Variants in CACNA1C observed in about 807,000 individuals in gnomAD.
CACNA1C encodes calcium voltage-gated channel subunit alpha1 C.
In CACNA1C, 30 loss-of-function variants were observed where a neutral mutation model predicts 229.0. The ratio of observed to expected loss-of-function variants is 0.13; its 90% CI spans 0.10 to 0.18. The LOEUF (loss-of-function observed/expected upper bound fraction) is 0.18, where lower values mean the gene tolerates loss of function less well. CACNA1C is among the 10% of genes least tolerant of loss of function. The pLI, the probability that CACNA1C is intolerant of heterozygous loss-of-function variation, is 1.00. For missense variants in CACNA1C, 1,658 were observed against 2,845.0 expected, an observed-to-expected ratio of 0.58 and a Z score of 9.49; for synonymous variants, 1,114 against 1,132.5, an observed-to-expected ratio of 0.98 and a Z score of 0.33.
chr12:2,217,688 C>G (rs771525238), intron 3 of CACNA1C: 1 of 152,088 alleles, frequency 6.6e-6, no homozygotes, highest in Non-Finnish European at 1.5e-5. Flanking sequence ...GGTTCCATCT[C>G]AAGGGTGGAG....
intron 10 of CACNA1C, among the ~76,000 whole-genome samples, chr12:2,555,771 G>A (rs733993): frequency 0.048 from 7,272 of 152,278 alleles, 221 homozygotes; most frequent in African/African-American, 0.082. Flanking sequence ...TCTCATGCAC[G>A]ATGGCTTTGC....
At chr12:2,588,260 C>G (rs902319773) in intron 18 of CACNA1C, among the ~76,000 whole-genome samples, 2 of 152,264 alleles carry the variant, frequency 1.3e-5, no homozygotes, top group African/African-American at 4.8e-5. Context: ...CAACCGCTGC[C>G]CCTTCCAGGC....
intron 9 of CACNA1C, chr12:2,547,655 T>TTGTGTG (rs144986025): frequency 3.1e-6 from 2 of 641,016 alleles, no homozygotes; most frequent in Admixed American, 2.3e-5. Flanking sequence ...TGTATATATG[T>TTGTGTG]TGTGTGTGTG....
chr12:2,396,100 A>AGTGT (rs988530866), intron 3 of CACNA1C, among the ~76,000 whole-genome samples: 2 of 152,024 alleles, frequency 1.3e-5, no homozygotes, highest in African/African-American at 4.8e-5. Flanking sequence ...CTGACCAGGA[A>AGTGT]GTGTGTGTGC....
chr12:2,668,686 C>T, intron 37 of CACNA1C: 1 of 462,730 alleles, frequency 2.2e-6, no homozygotes, highest in Non-Finnish European at 3.9e-6. Flanking sequence ...GGACCACACA[C>T]TTACTTAAAC....
chr12:2,404,346 T>C (rs761487818), intron 3 of CACNA1C, among the ~76,000 whole-genome samples: 42 of 152,090 alleles, frequency 2.8e-4, no homozygotes, highest in Non-Finnish European at 5.9e-4. Context: ...TCCTGTCCTC[T>C]TGTCTACCCT....
At chr12:2,389,654 A>G (rs1304808135) in intron 3 of CACNA1C, among the ~76,000 whole-genome samples, 1 of 152,172 alleles carries the variant, frequency 6.6e-6, no homozygotes, top group Non-Finnish European at 1.5e-5. Flanking sequence ...CTGCTTTTGC[A>G]GAGACTCCAT....
At chr12:2,444,178 C>T (rs1441528157) in intron 3 of CACNA1C, among the ~76,000 whole-genome samples, 1 of 152,314 alleles carries the variant, frequency 6.6e-6, no homozygotes, top group African/African-American at 2.4e-5. Flanking sequence ...TGCGTTTCTC[C>T]AGTACCCCGG....
At chr12:2,388,694 A>C (rs182871997) in intron 3 of CACNA1C, among the ~76,000 whole-genome samples, 1 of 152,246 alleles carries the variant, frequency 6.6e-6, no homozygotes, top group East Asian at 1.9e-4. Context: ...GCAGTTGATC[A>C]GTTCGTGGTT....
At chr12:2,690,429 A>C (rs2097759706) in intron 46 of CACNA1C, among the ~76,000 whole-genome samples, 1 of 152,232 alleles carries the variant, frequency 6.6e-6, no homozygotes, top group Non-Finnish European at 1.5e-5. Context: ...TGCTGGGGTC[A>C]AATGATCCTC....
At chr12:2,337,629 G>GC (rs2096738592) in intron 3 of CACNA1C, among the ~76,000 whole-genome samples, 1 of 152,238 alleles carries the variant, frequency 6.6e-6, no homozygotes, top group African/African-American at 2.4e-5. Context: ...TACTGTCTCA[G>GC]CCCTTTAATA....
chr12:2,138,227 G>A, intron 3 of CACNA1C, among the ~76,000 whole-genome samples: 1 of 151,328 alleles, frequency 6.6e-6, no homozygotes, highest in East Asian at 1.9e-4. Context: ...GGAAGGCCAG[G>A]ATATCCAGGA....
intron 1 of CACNA1C, among the ~76,000 whole-genome samples, chr12:2,025,386 TGTG>T (rs2047145361): frequency 6.6e-6 from 1 of 152,080 alleles, no homozygotes; most frequent in African/African-American, 2.4e-5. Context: ...CCCTGGGTGT[TGTG>T]GTGTGTGTTA....
chr12:2,441,351 C>G (rs533949835), intron 3 of CACNA1C, among the ~76,000 whole-genome samples: 1 of 150,686 alleles, frequency 6.6e-6, no homozygotes, highest in Non-Finnish European at 1.5e-5. Context: ...TCTCTCCAGA[C>G]TGTCCTGGTC....
chr12:2,609,408 C>T lies in CACNA1C; in HGVS notation c.3558+696C>T, dbSNP rs192181276. Reference sequence around the variant, plus strand: ...GGCAGGAGCGCAGCGTGGTGTGCTCCTTGTGACCCTCGCCAGGCCAGCCAG... The same window carrying T: ...GGCAGGAGCGCAGCGTGGTGTGCTCTTTGTGACCCTCGCCAGGCCAGCCAG... On this transcript the variant is annotated intron_variant, in intron 27 of 46. Transcript: ENST00000399655. Among the ~76,000 whole-genome samples, 465 of 151,922 alleles carry T rather than the reference C, an allele frequency of 3.1e-3. 2 individuals carry two copies. The highest frequency in any genetic ancestry group is 0.011 in the African/African-American group (442 of 41,394).
chr12:2,550,622 G>A, intron 10 of CACNA1C: 1 of 1,351,316 alleles, frequency 7.4e-7, no homozygotes. Context: ...CCTGGCCTCT[G>A]GAAGAACTGC....
intron 3 of CACNA1C, among the ~76,000 whole-genome samples, chr12:2,205,128 C>T (rs2097717357): frequency 6.6e-6 from 1 of 152,160 alleles, no homozygotes; most frequent in African/African-American, 2.4e-5. Context: ...CCCTGACATT[C>T]CTCCTTCCCT....
chr12:2,368,454 A>C (rs78453195), intron 3 of CACNA1C, among the ~76,000 whole-genome samples: 1 of 152,356 alleles, frequency 6.6e-6, no homozygotes, highest in East Asian at 1.9e-4. Flanking sequence ...TAAATAGTTT[A>C]ATAATCAGTA....
chr12:2,228,567 G>C (rs1376784514), intron 3 of CACNA1C, among the ~76,000 whole-genome samples: 1 of 152,240 alleles, frequency 6.6e-6, no homozygotes, highest in Non-Finnish European at 1.5e-5. Context: ...ATGTGCTAAA[G>C]AGGTAGGGGT....
Sources: gnomAD v4.1 joint callset for allele counts (sites outside exome capture counted in the v4.1 genomes callset) on GRCh38, gnomAD v4.1.1 for gene constraint, MANE v1.5 for transcripts, NCBI Gene and HGNC (gene_info 2026-07-23, HGNC 2026-07-21) for gene names.